FSIP2: variants seen among roughly 807,000 people sequenced by gnomAD.
The protein encoded by FSIP2 is fibrous sheath-interacting protein 2.
In FSIP2, 367 loss-of-function variants were observed where a neutral mutation model predicts 510.5. That is an observed-to-expected ratio of 0.72 (90% CI 0.66 to 0.78). The LOEUF is 0.78. Ranked by LOEUF, FSIP2 falls within the 30% of genes least tolerant of loss-of-function variation. The probability of loss-of-function intolerance (pLI) is 0.00; values close to 1 mark genes in which losing one functional copy is unlikely to be tolerated. For missense variants in FSIP2, 7,594 were observed against 7,901.7 expected, an observed-to-expected ratio of 0.96 and a Z score of 1.48; for synonymous variants, 2,601 against 2,732.2, an observed-to-expected ratio of 0.95 and a Z score of 1.50.
upstream of FSIP2, among the ~76,000 whole-genome samples, chr2:185,738,414 T>C (rs1691830231): frequency 6.6e-6 from 1 of 152,092 alleles, no homozygotes; most frequent in Non-Finnish European, 1.5e-5. Flanking sequence ...CGCGTCTGCC[T>C]TGTGGACCTG....
chr2:185,806,850 G>T lies in FSIP2; in HGVS notation c.17544G>T (p.Arg5848Ser). 6.2e-7 allele frequency: 1 copy of T among 1,609,646 alleles called. No individual in the cohort carries two copies. Among genetic ancestry groups the T allele is most frequent in the Non-Finnish European group, 8.5e-7 (1 of 1,178,158 alleles). The change falls in exon 17 of 23, where the codon AGG (arginine) becomes AGT (serine). Residue 5848 changes from arginine to serine, a missense_variant. Coordinates refer to ENST00000424728, the MANE Select transcript of FSIP2 (RefSeq NM_173651.4). ...EFSDAQIKVF[R>S]PDKGNQFPGG... ...CAGATGCTCAAATTAAGGTTTTCAG[G>T]CCAGATAAGGGAAATCAGTTCCCTG... is the stretch of plus-strand genomic sequence containing the variant.
chr2:185,786,236 C>T lies in FSIP2; in HGVS notation c.1470-16C>T. Reference sequence around the variant, plus strand: ...TGACTCTATGTAATAACTAAATGATCAACCTTTCTTTACAGGCAACAGAAC... The same window carrying T: ...TGACTCTATGTAATAACTAAATGATTAACCTTTCTTTACAGGCAACAGAAC... On this transcript the variant is annotated splice_polypyrimidine_tract_variant and intron_variant, in intron 14 of 22. Transcript: ENST00000424728. 6.7e-7 allele frequency: 1 copy of T among 1,503,744 alleles called. No homozygotes were observed. The highest frequency in any genetic ancestry group is 8.9e-7 in the Non-Finnish European group (1 of 1,124,080). 93.2% of individuals were successfully genotyped at this position (1,503,744 alleles called of 1,614,324 possible).
chr2:185,744,185 GTCATCAAATTTTA>G (rs1691980255), intron 3 of FSIP2, 124 bp from the exon 4 acceptor site: 3 of 199,302 alleles, frequency 1.5e-5, no homozygotes, highest in African/African-American at 7.0e-5. Context: ...ATGCCAAAAT[GTCATCAAATTTTA>G]TGTCACTGCT....
intron 13 of FSIP2, among the ~76,000 whole-genome samples, chr2:185,772,734 T>C (rs1445687882): frequency 6.6e-6 from 1 of 152,176 alleles, no homozygotes; most frequent in Non-Finnish European, 1.5e-5. Flanking sequence ...ATGTCACTGA[T>C]TTTGTACTTT....
At position 185,763,205 on chromosome 2, in the gene FSIP2, A is replaced by C. The variant is rs1692391228; in HGVS notation, c.1263A>C (p.Gln421His). ...DDRGGINISG[Q>H]GSIISAQVSP... ...TAGGAGGTATAAATATTTCAGGCCA[A>C]GGTTCAATTATTTCAGCGCAGGTAT... Residue 421 changes from glutamine to histidine, a missense_variant, in exon 12 of 23, where the codon CAA (glutamine) becomes CAC (histidine). Coordinates refer to ENST00000424728, the MANE Select transcript of FSIP2 (RefSeq NM_173651.4). 6.7e-7 allele frequency: 1 copy of C among 1,488,508 alleles called. No individual in the cohort carries two copies. Among genetic ancestry groups the C allele is most frequent in the Non-Finnish European group, 9.1e-7 (1 of 1,104,414 alleles). The allele number at this position is 1,488,508 out of a possible 1,614,324, so 92.2% of individuals were successfully genotyped here.
chr2:185,767,886 A>G (rs979055496), intron 13 of FSIP2, among the ~76,000 whole-genome samples: 2 of 152,154 alleles, frequency 1.3e-5, no homozygotes, highest in Non-Finnish European at 2.9e-5. Context: ...TCCTTTGGAT[A>G]TGTACCCAGA....
intron 14 of FSIP2, 53 bp downstream of exon 14, chr2:185,782,815 A>G: frequency 1.1e-5 from 10 of 918,318 alleles, no homozygotes; most frequent in Non-Finnish European, 1.7e-5. Context: ...TGATTACATA[A>G]GAGTGCTGCT....
chr2:185,815,431 T>C lies in FSIP2; in HGVS notation c.20386T>C (p.Ser6796Pro). The change falls in exon 19 of 23, where the codon TCA (serine) becomes CCA (proline). Residue 6796 changes from serine to proline, a missense_variant. Ser to Pro is a moderately conservative substitution (Grantham distance 74, BLOSUM62 -1). Transcript: ENST00000424728. ...THYFIHRIMS[S>P]SSYNQEDLIS... ...TTACTTCATACACAGAATTATGAGT[T>C]CATCTTCATACAACCAAGAAGATCT... is the stretch of plus-strand genomic sequence containing the variant. The C allele has an allele frequency of 6.6e-7, 1 of 1,523,796 alleles. No homozygotes were observed. The highest frequency in any genetic ancestry group is 9.0e-7 in the Non-Finnish European group (1 of 1,112,520). 94.4% of individuals were successfully genotyped at this position (1,523,796 alleles called of 1,614,324 possible). A position where few individuals can be genotyped will look rare whatever the true frequency, so the allele number is the denominator to read the frequency against.
At chr2:185,739,576 T>G in intron 2 of FSIP2, 105 bp downstream of exon 2, 1 of 1,095,706 alleles carries the variant, frequency 9.1e-7, no homozygotes, top group African/African-American at 1.6e-5. Flanking sequence ...GCATCAACAT[T>G]TACAGGAAAA....
chr2:185,796,120 C>A lies in FSIP2; in HGVS notation c.8984C>A (p.Thr2995Lys). Residue 2995 changes from threonine to lysine, a missense_variant, in exon 16 of 23, where the codon ACG becomes AAG. By Grantham distance (78) the Thr-to-Lys change is moderately conservative. Coordinates refer to ENST00000424728, the MANE Select transcript of FSIP2 (RefSeq NM_173651.4). ...SNQIVQEIVE[T>K]VLNMLESFVD... ...CAAATTGTTCAAGAGATTGTAGAAA[C>A]GGTTTTAAACATGTTAGAGTCATTT... 1 of 1,534,242 alleles carries A rather than the reference C, an allele frequency of 6.5e-7. No individual in the cohort carries two copies. Among genetic ancestry groups the A allele is most frequent in the Non-Finnish European group, 8.7e-7 (1 of 1,145,976 alleles).
intron 19 of FSIP2, among the ~76,000 whole-genome samples, chr2:185,817,214 G>A (rs908617831): frequency 4.0e-5 from 6 of 151,702 alleles, no homozygotes; most frequent in African/African-American, 1.5e-4. Context: ...CCTATCTATG[G>A]GCTTTCTTAA....
At chr2:185,781,671 C>T (rs1036624036) in intron 13 of FSIP2, among the ~76,000 whole-genome samples, 1 of 152,158 alleles carries the variant, frequency 6.6e-6, no homozygotes, top group Non-Finnish European at 1.5e-5. Context: ...TCAGAAAGTT[C>T]TCCTATCTCT....
At chr2:185,750,278 G>C (rs1218283510) in intron 7 of FSIP2, among the ~76,000 whole-genome samples, 1 of 151,388 alleles carries the variant, frequency 6.6e-6, no homozygotes, top group Non-Finnish European at 1.5e-5. Flanking sequence ...GAAGACATTT[G>C]GGTATGAGGT....
chr2:185,765,859 CA>C lies in FSIP2; in HGVS notation c.1411+1295del, dbSNP rs1692462998. On this transcript the variant is annotated intron_variant, in intron 13 of 22. Coordinates refer to ENST00000424728, the MANE Select transcript of FSIP2 (RefSeq NM_173651.4). ...TAGTTCTCCTTGAAGAGGTCCTTCA[CA>C]TCCCTTGTAAGTTGGATTCCTAGGT... The C allele has an allele frequency of 3.3e-5, 5 of 151,494 alleles. No individual in the cohort carries two copies. In the South Asian group the frequency reaches 1.0e-3, roughly 32 times the overall value. 9.4% of individuals were successfully genotyped at this position (151,494 alleles called of 1,614,324 possible). A position where few individuals can be genotyped will look rare whatever the true frequency, so the allele number is the denominator to read the frequency against.
chr2:185,774,634 GGTTA>G (rs1163444121), intron 13 of FSIP2, among the ~76,000 whole-genome samples: 2 of 149,840 alleles, frequency 1.3e-5, no homozygotes, highest in Admixed American at 6.7e-5. Context: ...ACATTGTGCA[GGTTA>G]GTTACATACG....
chr2:185,794,318 C>G lies in FSIP2; in HGVS notation c.7182C>G (p.Asp2394Glu). The G allele has an allele frequency of 6.6e-7, 1 of 1,522,204 alleles. No individual in the cohort carries two copies. The highest frequency in any genetic ancestry group is 8.8e-7 in the Non-Finnish European group (1 of 1,139,932). 94.3% of individuals were successfully genotyped at this position (1,522,204 alleles called of 1,614,324 possible). Residue 2394 changes from aspartate (D) to glutamate (E), a missense_variant, in exon 16 of 23, where the codon GAC becomes GAG. Transcript: ENST00000424728. ...ACATCATTGTGAGTGAAATTGTTGA[C>G]AGTATGTTAAAGATGTTAGATGATA... ...QENIIVSEIV[D>E]SMLKMLDDKR...
Position 185,791,546 on chromosome 2 carries a change from G to A in FSIP2, c.4410G>A (p.Gln1470=). 6.5e-7 allele frequency: 1 copy of A among 1,534,344 alleles called. No homozygotes were observed. The highest frequency in any genetic ancestry group is 8.7e-7 in the Non-Finnish European group (1 of 1,145,650). ...GCAGAGAGATGACCAATAAGAATCA[G>A]AAAATGGCTGCTGCATTGCAGTCTA... ...QQSREMTNKN[Q]KMAAALQSNI... is the part of the protein sequence containing the mutation. Residue 1470 remains glutamine (Q), a synonymous_variant, in exon 16 of 23, where the codon CAG becomes CAA. Coordinates refer to ENST00000424728, the MANE Select transcript of FSIP2 (RefSeq NM_173651.4).
At chr2:185,749,276 A>G (rs749228749) in intron 7 of FSIP2, among the ~76,000 whole-genome samples, 6 of 152,108 alleles carry the variant, frequency 3.9e-5, no homozygotes, top group Middle Eastern at 3.4e-3. Context: ...TTTTCAACTC[A>G]TGAACCACAT....
chr2:185,809,296 T>C (rs1420370115), intron 17 of FSIP2, among the ~76,000 whole-genome samples, 163 bp downstream of exon 17: 3 of 152,114 alleles, frequency 2.0e-5, no homozygotes, highest in African/African-American at 7.2e-5. Flanking sequence ...AGTCATATTA[T>C]TTACTAGGAT....
Sources: gnomAD v4.1 joint callset for allele counts (sites outside exome capture counted in the v4.1 genomes callset) on GRCh38, gnomAD v4.1.1 for gene constraint, MANE v1.5 for transcripts, NCBI Gene and HGNC (gene_info 2026-07-23, HGNC 2026-07-21) for gene names.